The following SMC4 variants were observed in gnomAD, a reference collection of about 807,000 sequenced individuals.
SMC4 encodes structural maintenance of chromosomes protein 4.
In SMC4, 87 loss-of-function variants were observed where a neutral mutation model predicts 145.6. The ratio of observed to expected loss-of-function variants is 0.60; its 90% CI spans 0.50 to 0.71. The LOEUF is 0.71. Among genes scored for constraint, SMC4 ranks in the 30% least tolerant of loss-of-function variants. The probability of loss-of-function intolerance (pLI) is 0.00; values close to 1 mark genes in which losing one functional copy is unlikely to be tolerated. For synonymous variants in SMC4, 558 were observed against 500.7 expected, an observed-to-expected ratio of 1.11 and a Z score of -1.53; for missense variants, 1,447 against 1,537.1, an observed-to-expected ratio of 0.94 and a Z score of 0.98.
intron 23 of SMC4, 28 bp downstream of exon 23, chr3:160,433,237 C>T (rs1163143980): frequency 1.3e-6 from 2 of 1,536,092 alleles, no homozygotes; most frequent in East Asian, 2.3e-5. Context: ...GATTTTCATT[C>T]CAGAAACTTT....
chr3:160,431,572 A>C, intron 20 of SMC4, 71 bp from the exon 21 acceptor site: 1 of 1,148,484 alleles, frequency 8.7e-7, no homozygotes, highest in Non-Finnish European at 1.2e-6. Flanking sequence ...AATTTGTCAT[A>C]TTTTTTTTTA....
At chr3:160,422,668 T>C (rs986558502) in intron 13 of SMC4, among the ~76,000 whole-genome samples, 57 of 152,176 alleles carry the variant, frequency 3.7e-4, no homozygotes, top group African/African-American at 1.4e-3. Flanking sequence ...AGGCACAATT[T>C]ATCTTTTTTT....
chr3:160,418,018 T>C, intron 11 of SMC4, 62 bp downstream of exon 11: 1 of 1,387,398 alleles, frequency 7.2e-7, no homozygotes, highest in Non-Finnish European at 9.9e-7. Context: ...TTATACATTT[T>C]TGTTTTTAAT....
Position 160,434,355 on chromosome 3 carries a change from A to G in SMC4, c.*546A>G, listed in dbSNP as rs1718752779. On this transcript the variant is annotated 3_prime_UTR_variant, in exon 24 of 24. Transcript: ENST00000357388. ...TTTGACCATTTATGACTTAATTACC[A>G]GAGAGCCAGTAAATTAGGACAGTGT... 1 of 152,288 alleles carries G rather than the reference A, an allele frequency of 6.6e-6. No homozygotes were observed. The highest frequency in any genetic ancestry group is 1.9e-4 in the East Asian group (1 of 5,200). 9.4% of individuals were successfully genotyped at this position (152,288 alleles called of 1,614,324 possible).
chr3:160,412,268 A>G (rs1716079029), intron 6 of SMC4, 58 bp from the exon 7 acceptor site: 1 of 1,501,272 alleles, frequency 6.7e-7, no homozygotes, highest in African/African-American at 1.4e-5. Context: ...TGCATATTTT[A>G]AGTTCATATT....
chr3:160,404,657 T>C, intron 5 of SMC4, 153 bp downstream of exon 5: 2 of 801,802 alleles, frequency 2.5e-6, no homozygotes, highest in South Asian at 2.7e-5. Flanking sequence ...AATCATTATT[T>C]GCTGCTCTAG....
At chr3:160,409,013 TCCCA>T (rs1715657100) in intron 5 of SMC4, among the ~76,000 whole-genome samples, 1 of 151,970 alleles carries the variant, frequency 6.6e-6, no homozygotes, top group South Asian at 2.1e-4. Flanking sequence ...ACTGCTGTAA[TCCCA>T]GCACTTTGGG....
Position 160,401,978 on chromosome 3 carries a change from C to A in SMC4, c.203C>A (p.Pro68His), listed in dbSNP as rs773190058. 1 of 1,606,708 alleles carries A rather than the reference C, an allele frequency of 6.2e-7. No homozygotes were observed. The highest frequency in any genetic ancestry group is 1.3e-5 in the African/African-American group (1 of 74,496). ...GAGATTTTGAACAGCATTCCTCCTCCCCCGCCTCCAGCAATGACCAATGAA... is the reference window on the plus strand; with the variant it reads ...GAGATTTTGAACAGCATTCCTCCTCACCCGCCTCCAGCAATGACCAATGAA... ...LEEILNSIPP[P>H]PPPAMTNEAG... is the part of the protein sequence containing the mutation. The change falls in exon 3 of 24, where the codon CCC (proline) becomes CAC (histidine). Residue 68 changes from proline to histidine, a missense_variant. Transcript: ENST00000357388.
In SMC4 at chr3:160,434,065, A is replaced by G. The variant is rs1344683275; in HGVS notation, c.*256A>G. ...ACCTGGAGGGTCAGGTAACTTGCCAAACTAAAAAGTATGTTAGTTGAGGCA... is the reference window on the plus strand; with the variant it reads ...ACCTGGAGGGTCAGGTAACTTGCCAGACTAAAAAGTATGTTAGTTGAGGCA... On this transcript the variant is annotated 3_prime_UTR_variant, in exon 24 of 24. Transcript: ENST00000357388. 10 of 297,798 alleles carry G rather than the reference A, an allele frequency of 3.4e-5. No homozygotes were observed. The highest frequency in any genetic ancestry group is 3.3e-4 in the South Asian group (7 of 20,902). 18.4% of individuals were successfully genotyped at this position (297,798 alleles called of 1,614,324 possible).
At chr3:160,409,807 C>T (rs1295979471) in intron 5 of SMC4, among the ~76,000 whole-genome samples, 1 of 152,112 alleles carries the variant, frequency 6.6e-6, no homozygotes, top group Admixed American at 6.5e-5. Flanking sequence ...TGGGTCATGC[C>T]CTTAATCCCA....
Position 160,400,961 on chromosome 3 carries a change from C to A in SMC4, c.135C>A (p.Ala45=). Residue 45 remains alanine, a synonymous_variant, in exon 2 of 24, where the codon GCC becomes GCA. Transcript: ENST00000357388. ...PSGRTESPAT[A]AETASEELDN... ...GCCGCACGGAGAGCCCAGCCACCGC[C>A]GCAGGTGAGTGACCCGCCGCGACTC... The A allele has an allele frequency of 7.1e-7, 1 of 1,415,252 alleles. No homozygotes were observed. The highest frequency in any genetic ancestry group is 9.1e-7 in the Non-Finnish European group (1 of 1,097,234). The allele number at this position is 1,415,252 out of a possible 1,614,324, so 87.7% of individuals were successfully genotyped here.
intron 5 of SMC4, chr3:160,411,643 AGTGT>A (rs1292400824): frequency 2.8e-5 from 6 of 214,628 alleles, no homozygotes; most frequent in Non-Finnish European, 5.5e-5. Context: ...TGGGGAAATG[AGTGT>A]GTGTAAGTGG....
At chr3:160,408,502 A>G (rs1168183466) in intron 5 of SMC4, among the ~76,000 whole-genome samples, 3 of 152,212 alleles carry the variant, frequency 2.0e-5, no homozygotes, top group African/African-American at 7.2e-5. Context: ...AACATATGAA[A>G]CTTTGTCAGC....
At chr3:160,419,274 T>G (rs966893040) in intron 11 of SMC4, 84 bp from the exon 12 acceptor site, 3 of 855,560 alleles carry the variant, frequency 3.5e-6, no homozygotes, top group Non-Finnish European at 5.2e-6. Flanking sequence ...TTATTGTTAT[T>G]AAAGCATTAC....
Position 160,431,649 on chromosome 3 carries a change from A to G in SMC4, c.3121A>G (p.Lys1041Glu). ...CCCTAAATTGAACTTTTAGATTTCA[A>G]AAATATCACTGCATCCTATAGAAGA... ...KIKYWHKEIS[K>E]ISLHPIEDNP... Residue 1041 changes from lysine (K) to glutamate (E), a missense_variant, in exon 21 of 24, where the codon AAA (lysine) becomes GAA (glutamate). Lys to Glu is a moderately conservative substitution (Grantham distance 56). Transcript: ENST00000357388. 2 of 1,574,340 alleles carry G rather than the reference A, an allele frequency of 1.3e-6. No individual in the cohort carries two copies. Among genetic ancestry groups the G allele is most frequent in the Non-Finnish European group, 1.7e-6 (2 of 1,168,018 alleles).
chr3:160,414,600 T>G, intron 9 of SMC4, 83 bp downstream of exon 9: 2 of 1,242,944 alleles, frequency 1.6e-6, no homozygotes, highest in Non-Finnish European at 2.3e-6. Context: ...CCTTATTGCC[T>G]AAGAGAATGA....
intron 5 of SMC4, among the ~76,000 whole-genome samples, chr3:160,407,494 A>G (rs1559991771): frequency 6.6e-6 from 1 of 152,154 alleles, no homozygotes. Flanking sequence ...CAGAGGTTGC[A>G]GTGAGCCAAC....
In SMC4 at chr3:160,434,899, A is replaced by G. The variant is rs1036295349; in HGVS notation, c.*1090A>G. The stretch of plus-strand genomic sequence containing the variant: ...CAGTTTCTATCATAATGTAACTGTA[A>G]AAATGTAAACACATTATTAGCATGG... On this transcript the variant is annotated 3_prime_UTR_variant, in exon 24 of 24. Coordinates refer to ENST00000357388, the MANE Select transcript of SMC4 (RefSeq NM_001002800.3). 4.6e-5 allele frequency: 7 copies of G among 152,334 alleles called. No individual in the cohort carries two copies. The highest frequency in any genetic ancestry group is 1.4e-4 in the African/African-American group (6 of 41,584). 9.4% of individuals were successfully genotyped at this position (152,334 alleles called of 1,614,324 possible). A position where few individuals can be genotyped will look rare whatever the true frequency, so the allele number is the denominator to read the frequency against.
chr3:160,405,085 T>G (rs1468704736), intron 5 of SMC4, among the ~76,000 whole-genome samples: 2 of 152,092 alleles, frequency 1.3e-5, no homozygotes, highest in African/African-American at 2.4e-5. Flanking sequence ...GAAAATGACT[T>G]ACTTGGTGGA....
Sources: allele counts gnomAD v4.1 joint callset (sites outside exome capture counted in the v4.1 genomes callset), GRCh38; gene constraint gnomAD v4.1.1; transcripts MANE v1.5; gene names NCBI Gene and HGNC (gene_info 2026-07-23, HGNC 2026-07-21).